FBXL7: variants seen among roughly 807,000 people sequenced by gnomAD.
The protein encoded by FBXL7 is F-box/LRR-repeat protein 7.
FBXL7 carries 12 observed loss-of-function variants against 38.3 expected under a neutral mutation model. That is an observed-to-expected ratio of 0.31 (90% confidence interval 0.20 to 0.51). The LOEUF (loss-of-function observed/expected upper bound fraction) is 0.51. Ranked by LOEUF, FBXL7 falls within the 20% of genes least tolerant of loss-of-function variation. The pLI, the probability that FBXL7 is intolerant of heterozygous loss-of-function variation, is 0.98. For synonymous variants in FBXL7, 297 were observed against 300.9 expected (o/e 0.99, Z 0.13); for missense variants, 567 against 676.4 (o/e 0.84, Z 1.79).
chr5:15,845,261 C>T (rs1024515336), intron 2 of FBXL7, among the ~76,000 whole-genome samples: 9 of 152,326 alleles, frequency 5.9e-5, no homozygotes, highest in South Asian at 2.1e-4. Context: ...TCTTCTGATG[C>T]GGTGAATTGA....
intron 2 of FBXL7, among the ~76,000 whole-genome samples, chr5:15,885,889 T>C (rs1005990939): frequency 6.6e-6 from 1 of 151,714 alleles, no homozygotes; most frequent in Admixed American, 6.6e-5. Flanking sequence ...TAATTTATTT[T>C]ATTTTTTTTT....
chr5:15,867,426 A>G (rs1739763007), intron 2 of FBXL7, among the ~76,000 whole-genome samples: 1 of 152,108 alleles, frequency 6.6e-6, no homozygotes, highest in South Asian at 2.1e-4. Flanking sequence ...CCCATAAATA[A>G]CATCTATCAC....
intron 2 of FBXL7, among the ~76,000 whole-genome samples, chr5:15,748,081 CTGGAGTGATTTTG>C: frequency 7.0e-6 from 1 of 142,782 alleles, no homozygotes; most frequent in Non-Finnish European, 1.6e-5. Context: ...TCTGATATAA[CTGGAGTGATTTTG>C]CTCCCCAGGG....
chr5:15,579,342 G>A (rs1273902531), intron 1 of FBXL7, among the ~76,000 whole-genome samples: 1 of 152,112 alleles, frequency 6.6e-6, no homozygotes, highest in Non-Finnish European at 1.5e-5. Flanking sequence ...TGAATAATTG[G>A]CATCCTAGAG....
At chr5:15,859,753 A>C (rs1463168438) in intron 2 of FBXL7, among the ~76,000 whole-genome samples, 2 of 152,188 alleles carry the variant, frequency 1.3e-5, no homozygotes, top group African/African-American at 2.4e-5. Flanking sequence ...CGGGAACAAC[A>C]GTTCAAGATG....
intron 1 of FBXL7, among the ~76,000 whole-genome samples, chr5:15,583,491 G>C (rs2402166): frequency 0.52 from 78,742 of 152,060 alleles, 20,811 homozygotes; most frequent in African/African-American, 0.6. Flanking sequence ...TACAATGGGG[G>C]TGCAGGCATT....
intron 2 of FBXL7, among the ~76,000 whole-genome samples, chr5:15,711,597 G>T (rs991250371): frequency 6.6e-5 from 10 of 152,096 alleles, no homozygotes; most frequent in Non-Finnish European, 1.3e-4. Flanking sequence ...AGAGATTATG[G>T]CATTAAGGAT....
rs534426288 is a variant in FBXL7, at chr5:15,866,750, G to A, written c.128-61140G>A. Among the ~76,000 whole-genome samples, 3 of 146,304 alleles carry A rather than the reference G, an allele frequency of 2.1e-5. No individual in the cohort carries two copies. The South Asian group carries it at 6.4e-4, about 31-fold the overall frequency. ...TTGTTCAACTCCCACTTATAAGTGA[G>A]AATATGCGGTATTTGGTTTTCTGTT... On this transcript the variant is annotated intron_variant, in intron 2 of 3. Coordinates refer to ENST00000504595, the MANE Select transcript of FBXL7 (RefSeq NM_012304.5).
intron 2 of FBXL7, among the ~76,000 whole-genome samples, chr5:15,855,666 C>T (rs1739233649): frequency 1.3e-5 from 2 of 152,110 alleles, no homozygotes; most frequent in African/African-American, 4.8e-5. Context: ...CTATAAACAG[C>T]TTCATAAGCA....
At chr5:15,687,654 T>A (rs1743055486) in intron 2 of FBXL7, among the ~76,000 whole-genome samples, 1 of 152,214 alleles carries the variant, frequency 6.6e-6, no homozygotes, top group South Asian at 2.1e-4. Flanking sequence ...GGGATGCTAA[T>A]GACATGCAAG....
At chr5:15,888,982 C>T (rs937540645) in intron 2 of FBXL7, among the ~76,000 whole-genome samples, 1 of 152,112 alleles carries the variant, frequency 6.6e-6, no homozygotes, top group African/African-American at 2.4e-5. Context: ...GCCAGTACTG[C>T]GGTTCCCCTA....
intron 1 of FBXL7, among the ~76,000 whole-genome samples, chr5:15,541,711 A>T (rs1042488760): frequency 6.6e-6 from 1 of 150,746 alleles, no homozygotes; most frequent in African/African-American, 2.4e-5. Flanking sequence ...CGCTTGGCTG[A>T]TTTTTGTATT....
intron 1 of FBXL7, among the ~76,000 whole-genome samples, chr5:15,564,040 T>G (rs1738491675): frequency 6.6e-6 from 1 of 152,134 alleles, no homozygotes; most frequent in South Asian, 2.1e-4. Flanking sequence ...TTCTTCCTGG[T>G]TCACACATGT....
intron 2 of FBXL7, among the ~76,000 whole-genome samples, chr5:15,880,289 G>A (rs1478384061): frequency 4.2e-5 from 1 of 23,812 alleles, no homozygotes; most frequent in Non-Finnish European, 7.7e-5. Context: ...GCTGGCCATA[G>A]CTATAAGAAC....
chr5:15,602,406 G>T (rs1191981336), intron 1 of FBXL7: 1 of 151,818 alleles, frequency 6.6e-6, no homozygotes, highest in African/African-American at 2.4e-5. Flanking sequence ...ATGGACCAGG[G>T]ATATTCCATT....
chr5:15,755,918 T>C (rs1386662684), intron 2 of FBXL7, among the ~76,000 whole-genome samples: 1 of 152,174 alleles, frequency 6.6e-6, no homozygotes, highest in African/African-American at 2.4e-5. Flanking sequence ...CAGTTCTCCA[T>C]AGCAGTGGAG....
At chr5:15,701,401 C>T (rs1743516788) in intron 2 of FBXL7, among the ~76,000 whole-genome samples, 1 of 152,128 alleles carries the variant, frequency 6.6e-6, no homozygotes, top group Non-Finnish European at 1.5e-5. Flanking sequence ...CAGAATTTAC[C>T]AGCTATTCAT....
At position 15,508,707 on chromosome 5, in the gene FBXL7, T is replaced by C. The variant is rs550855172; in HGVS notation, c.37+7994T>C. ...AAGTCATGCTGCTACTTTTTCTCTT[T>C]AGTACTTCTTTCTCTGTCATATTAG... On this transcript the variant is annotated intron_variant, in intron 1 of 3. Coordinates refer to ENST00000504595, the MANE Select transcript of FBXL7 (RefSeq NM_012304.5). Among the ~76,000 whole-genome samples the C allele has an allele frequency of 9.2e-5, 14 of 152,330 alleles. No homozygotes were observed. In the South Asian group the frequency reaches 2.9e-3, roughly 32 times the overall value.
intron 2 of FBXL7, among the ~76,000 whole-genome samples, chr5:15,801,918 A>C (rs989181417): frequency 1.3e-5 from 2 of 152,036 alleles, no homozygotes; most frequent in Admixed American, 6.6e-5. Context: ...ATCTATCTCC[A>C]TTTCATCGAT....
Sources: gnomAD v4.1 joint callset for allele counts (sites outside exome capture counted in the v4.1 genomes callset) on GRCh38, gnomAD v4.1.1 for gene constraint, MANE v1.5 for transcripts, NCBI Gene and HGNC (gene_info 2026-07-23, HGNC 2026-07-21) for gene names.